Variants in PHF21A observed in about 807,000 individuals in gnomAD.
PHF21A encodes BHC80a.
A neutral mutation model predicts 82.5 loss-of-function variants in PHF21A; 11 were observed. That is an observed-to-expected ratio of 0.13 (90% CI 0.08 to 0.22). PHF21A has a LOEUF of 0.22. Ranked by LOEUF, PHF21A falls within the 10% of genes least tolerant of loss-of-function variation. The probability of loss-of-function intolerance (pLI) is 1.00; values close to 1 mark genes in which losing one functional copy is unlikely to be tolerated. For missense variants in PHF21A, 579 were observed against 837.8 expected, an observed-to-expected ratio of 0.69 and a Z score of 3.81; for synonymous variants, 297 against 302.8, an observed-to-expected ratio of 0.98 and a Z score of 0.20.
At chr11:46,112,800 G>A (rs1238138770) in intron 1 of PHF21A, among the ~76,000 whole-genome samples, 1 of 152,064 alleles carries the variant, frequency 6.6e-6, no homozygotes, top group African/African-American at 2.4e-5. Context: ...ATAATAAGAG[G>A]CTTCTCATGC....
chr11:46,042,300 A>G (rs1418283053), intron 6 of PHF21A, among the ~76,000 whole-genome samples: 1 of 152,194 alleles, frequency 6.6e-6, no homozygotes, highest in African/African-American at 2.4e-5. Context: ...ATTGCTGGAC[A>G]GGTATTTGGC....
intron 6 of PHF21A, among the ~76,000 whole-genome samples, chr11:46,018,677 GTAAACA>G (rs2095567434): frequency 1.3e-5 from 2 of 152,026 alleles, no homozygotes; most frequent in Admixed American, 1.3e-4. Flanking sequence ...AGATAATTTG[GTAAACA>G]TGAACAAAAT....
intron 6 of PHF21A, among the ~76,000 whole-genome samples, chr11:46,021,454 A>G (rs1391721550): frequency 6.6e-6 from 1 of 152,184 alleles, no homozygotes; most frequent in Non-Finnish European, 1.5e-5. Context: ...TAGAAACAGT[A>G]TTCATCCTGG....
intron 6 of PHF21A, among the ~76,000 whole-genome samples, chr11:46,011,411 C>T (rs945376522): frequency 4.6e-5 from 7 of 152,008 alleles, no homozygotes; most frequent in African/African-American, 1.2e-4. Flanking sequence ...ATCGCCTGAG[C>T]CCAGTAGGTG....
chr11:46,073,013 G>A (rs1268984165), intron 6 of PHF21A, among the ~76,000 whole-genome samples: 1 of 152,118 alleles, frequency 6.6e-6, no homozygotes, highest in East Asian at 1.9e-4. Context: ...GAGAATGAGA[G>A]TGAATCCTGT....
chr11:46,061,898 C>T lies in PHF21A; in HGVS notation c.153+14856G>A, dbSNP rs572934818. 6.6e-5 allele frequency among the ~76,000 whole-genome samples: 10 copies of T among 152,256 alleles called. No individual in the cohort carries two copies. The South Asian group carries it at 2.1e-3, about 32-fold the overall frequency. On this transcript the variant is annotated intron_variant, in intron 6 of 18. Transcript: ENST00000676320. ...ATGGGAGGTAAGTTTTGTGACCTTG[C>T]ATGTCTTAAAATGTCTCTATTCTAT...
rs570352857 is a variant in PHF21A at position 45,949,335 on chromosome 11, G to A, written c.1227+67C>T. 59 of 1,272,310 alleles carry A rather than the reference G, an allele frequency of 4.6e-5. No homozygotes were observed. The East Asian group carries it at 1.4e-3, about 29-fold the overall frequency. 78.8% of individuals were successfully genotyped at this position (1,272,310 alleles called of 1,614,324 possible). On this transcript the variant is annotated intron_variant, in intron 13 of 18. Coordinates refer to ENST00000676320, the MANE Select transcript of PHF21A (RefSeq NM_001352027.3). ...TGCTCTTCAGCAGGTTTTCAGAGGG[G>A]AGGCACTGAACAGCTCATAAATAAA... is the stretch of plus-strand genomic sequence containing the variant.
rs57660258 is a variant in PHF21A at position 46,022,819 on chromosome 11, A to G, written c.154-42853T>C. ...TTTTTTTGAGACGGAGTCTCGGTCT[A>G]TTACCCAGGCTGGAGTGCAGTGGTG... On this transcript the variant is annotated intron_variant, in intron 6 of 18. Coordinates refer to ENST00000676320, the MANE Select transcript of PHF21A (RefSeq NM_001352027.3). 7.1e-3 allele frequency among the ~76,000 whole-genome samples: 1,075 copies of G among 151,742 alleles called. 11 individuals carry two copies. The highest frequency in any genetic ancestry group is 0.025 in the African/African-American group (1,023 of 41,344).
At chr11:45,982,010 GCGGCAGCACAATCTTGGCTCATT>G (rs2094317644) in intron 6 of PHF21A, among the ~76,000 whole-genome samples, 1 of 140,650 alleles carries the variant, frequency 7.1e-6, no homozygotes, top group Non-Finnish European at 1.5e-5. Context: ...AGGCTGGAGT[GCGGCAGCACAATCTTGGCTCATT>G]GCCATTTCCA....
At chr11:45,934,523 A>C in intron 18 of PHF21A, 1 of 338,244 alleles carries the variant, frequency 3.0e-6, no homozygotes. Flanking sequence ...CAGAGCCGCC[A>C]TCAGACTTCC....
intron 6 of PHF21A, among the ~76,000 whole-genome samples, chr11:45,998,754 C>A (rs546454590): frequency 6.6e-6 from 1 of 151,758 alleles, no homozygotes; most frequent in East Asian, 1.9e-4. Context: ...TCAAGTCATC[C>A]ACCTACCTCG....
chr11:45,965,905 A>G (rs1157103383), intron 9 of PHF21A, among the ~76,000 whole-genome samples: 1 of 152,160 alleles, frequency 6.6e-6, no homozygotes, highest in Non-Finnish European at 1.5e-5. Context: ...GGTCCCACCC[A>G]GAACTTGTGC....
intron 6 of PHF21A, among the ~76,000 whole-genome samples, chr11:46,055,441 C>T (rs2096438882): frequency 6.6e-6 from 1 of 152,108 alleles, no homozygotes; most frequent in African/African-American, 2.4e-5. Context: ...TACACAGTAA[C>T]CCACCAGAAC....
At chr11:45,964,117 G>C (rs998300454) in intron 10 of PHF21A, among the ~76,000 whole-genome samples, 7 of 151,310 alleles carry the variant, frequency 4.6e-5, no homozygotes, top group African/African-American at 1.7e-4. Flanking sequence ...AGAATCACTT[G>C]AACCTGGGAG....
chr11:45,938,122 C>G, intron 16 of PHF21A, 35 bp downstream of exon 16: 2 of 1,519,840 alleles, frequency 1.3e-6, no homozygotes, highest in South Asian at 2.6e-5. Context: ...CTTTGTCCTC[C>G]TCGGCCCCTC....
At chr11:46,078,873 A>C (rs1259739346) in intron 5 of PHF21A, among the ~76,000 whole-genome samples, 1 of 152,160 alleles carries the variant, frequency 6.6e-6, no homozygotes, top group African/African-American at 2.4e-5. Flanking sequence ...GTATTAACTC[A>C]ATATTTTTCT....
Position 46,079,182 on chromosome 11 carries a change from GA to G in PHF21A, c.55-17del. ...CAACCAGTTTCTGGTAATAAAGAGA[GA>G]AAAAGAGCCATCAGTCTTACATATT... On this transcript the variant is annotated splice_polypyrimidine_tract_variant and intron_variant, in intron 4 of 18. Transcript: ENST00000676320. 1.3e-6 allele frequency: 2 copies of G among 1,591,598 alleles called. No homozygotes were observed. The highest frequency in any genetic ancestry group is 1.1e-5 in the South Asian group (1 of 88,192).
At chr11:46,042,554 C>T (rs937505070) in intron 6 of PHF21A, among the ~76,000 whole-genome samples, 3 of 152,064 alleles carry the variant, frequency 2.0e-5, no homozygotes, top group Non-Finnish European at 4.4e-5. Flanking sequence ...AAACAAGCAA[C>T]CTGAACTCTC....
chr11:46,022,101 T>C (rs1362170118), intron 6 of PHF21A, among the ~76,000 whole-genome samples: 2 of 152,208 alleles, frequency 1.3e-5, no homozygotes, highest in Admixed American at 6.5e-5. Flanking sequence ...ATTAATCATA[T>C]GGTTATTTTT....
Sources: allele counts gnomAD v4.1 joint callset (sites outside exome capture counted in the v4.1 genomes callset), GRCh38; gene constraint gnomAD v4.1.1; transcripts MANE v1.5; gene names NCBI Gene and HGNC (gene_info 2026-07-23, HGNC 2026-07-21).